Variants in UBE2E3 observed in about 807,000 individuals in gnomAD.
UBE2E3 encodes the protein ubiquitin conjugating enzyme E2 E3.
UBE2E3 carries 5 observed loss-of-function variants against 23.6 expected under a neutral mutation model. The observed-to-expected ratio is 0.21, with a 90% CI of 0.11 to 0.44. The LOEUF is 0.44. Among genes scored for constraint, UBE2E3 ranks in the 20% least tolerant of loss-of-function variants. The pLI is 0.99. For synonymous variants in UBE2E3, 78 were observed against 87.5 expected (o/e 0.89, Z 0.60); for missense variants, 81 against 249.8 (o/e 0.32, Z 4.55).
intron 3 of UBE2E3, among the ~76,000 whole-genome samples, chr2:180,987,893 A>G (rs1264168429): frequency 1.3e-5 from 2 of 151,928 alleles, no homozygotes; most frequent in East Asian, 1.9e-4. Context: ...GCTTCCCCCA[A>G]CCCCCAACCC....
intron 3 of UBE2E3, among the ~76,000 whole-genome samples, chr2:180,993,413 C>G (rs1339238247): frequency 6.6e-6 from 1 of 152,158 alleles, no homozygotes; most frequent in Non-Finnish European, 1.5e-5. Flanking sequence ...AGCAAATATA[C>G]TCTGTCATTC....
Position 180,980,869 on chromosome 2 carries a change from C to T in UBE2E3, c.-130C>T, listed in dbSNP as rs888589289. ...TCGGCTTCTTTTTTTCCCTCCCCCC[C>T]CTTCCCCCCCCCACAGCTGCCTCCA... On this transcript the variant is annotated 5_prime_UTR_variant, in exon 1 of 6. Transcript: ENST00000410062. This position sits in a 1 kb window ranked among gnomAD's most constrained non-coding sequence, Gnocchi z 5.5. 2.0e-5 allele frequency: 3 copies of T among 149,822 alleles called. No homozygotes were observed. The highest frequency in any genetic ancestry group is 6.6e-5 in the Admixed American group (1 of 15,048). The allele number at this position is 149,822 out of a possible 1,614,324, so 9.3% of individuals were successfully genotyped here.
intron 3 of UBE2E3, among the ~76,000 whole-genome samples, chr2:181,018,342 T>C (rs1247390775): frequency 6.7e-6 from 1 of 150,374 alleles, no homozygotes; most frequent in Non-Finnish European, 1.5e-5. Flanking sequence ...TTTACACATG[T>C]GTTTAATATT....
chr2:181,032,216 A>G (rs867300745), intron 3 of UBE2E3, among the ~76,000 whole-genome samples: 1 of 152,226 alleles, frequency 6.6e-6, no homozygotes, highest in African/African-American at 2.4e-5. Flanking sequence ...TGAAGGCTAA[A>G]GCGAACATCA....
At chr2:180,991,737 G>T (rs746907852) in intron 3 of UBE2E3, among the ~76,000 whole-genome samples, 4 of 152,094 alleles carry the variant, frequency 2.6e-5, no homozygotes, top group Non-Finnish European at 5.9e-5. Context: ...TGCTGCTGTG[G>T]CCCAGGGAAA....
chr2:181,036,210 G>A (rs916388511), intron 3 of UBE2E3, among the ~76,000 whole-genome samples: 3 of 152,138 alleles, frequency 2.0e-5, no homozygotes, highest in African/African-American at 7.2e-5. Context: ...TATTGGCATG[G>A]GTTGGGCATA....
At chr2:181,040,336 A>G (rs1049883051) in intron 3 of UBE2E3, among the ~76,000 whole-genome samples, 3 of 152,192 alleles carry the variant, frequency 2.0e-5, no homozygotes, top group East Asian at 1.9e-4. Context: ...TAGCCTTTTC[A>G]TAACAATAAA....
chr2:180,981,068 G>A (rs1462191824), intron 1 of UBE2E3, 95 bp downstream of exon 1: 1 of 146,534 alleles, frequency 6.8e-6, no homozygotes, highest in Non-Finnish European at 1.5e-5. Context: ...GTTCGCGCCG[G>A]GCGCCCGCGT....
At chr2:180,984,751 G>A (rs1193534089) in intron 3 of UBE2E3, among the ~76,000 whole-genome samples, 1 of 152,030 alleles carries the variant, frequency 6.6e-6, no homozygotes, top group Non-Finnish European at 1.5e-5. Flanking sequence ...GTGGAACTCA[G>A]GTAGATGAAT....
At chr2:181,058,383 A>G (rs1255830736) in intron 4 of UBE2E3, among the ~76,000 whole-genome samples, 1 of 151,724 alleles carries the variant, frequency 6.6e-6, no homozygotes, top group Admixed American at 6.6e-5. Flanking sequence ...AGTTCATTTG[A>G]AGTATGAATT....
At chr2:180,992,751 T>G (rs1270126620) in intron 3 of UBE2E3, among the ~76,000 whole-genome samples, 1 of 151,816 alleles carries the variant, frequency 6.6e-6, no homozygotes, top group Non-Finnish European at 1.5e-5. Context: ...AACCTCTGCC[T>G]CCCGGGTTCA....
At chr2:181,059,119 A>G (rs1435539276) in intron 4 of UBE2E3, among the ~76,000 whole-genome samples, 2 of 151,788 alleles carry the variant, frequency 1.3e-5, no homozygotes, top group Non-Finnish European at 1.5e-5. Flanking sequence ...ATTGCAATAT[A>G]TCATCTAATT....
chr2:180,983,023 AAAG>A (rs553147590), intron 2 of UBE2E3, among the ~76,000 whole-genome samples: 14 of 152,324 alleles, frequency 9.2e-5, no homozygotes, highest in Non-Finnish European at 1.9e-4. Context: ...ATGGAGAAAA[AAAG>A]ATTCTGTCAA....
chr2:181,034,821 T>C (rs560037891), intron 3 of UBE2E3, among the ~76,000 whole-genome samples: 6 of 152,188 alleles, frequency 3.9e-5, no homozygotes, highest in African/African-American at 1.4e-4. Context: ...TGAACAAATG[T>C]GGCTTTCAAC....
chr2:180,981,767 TGATA>T (rs1196554573), intron 1 of UBE2E3, among the ~76,000 whole-genome samples: 8 of 152,198 alleles, frequency 5.3e-5, no homozygotes, highest in Non-Finnish European at 1.2e-4. Flanking sequence ...AGTAGACAAT[TGATA>T]GATTGTCCAA....
At chr2:181,009,074 G>A (rs769729004) in intron 3 of UBE2E3, among the ~76,000 whole-genome samples, 13 of 151,968 alleles carry the variant, frequency 8.6e-5, no homozygotes, top group Non-Finnish European at 1.0e-4. Context: ...GTATAAAATC[G>A]TTAAAAGGTA....
intron 3 of UBE2E3, among the ~76,000 whole-genome samples, chr2:181,042,141 C>A (rs1686530410): frequency 6.6e-6 from 1 of 152,206 alleles, no homozygotes. Flanking sequence ...ATTGTCACAT[C>A]TCTTAAGTCT....
In UBE2E3 at chr2:180,987,429, C is replaced by T. The variant is rs1388198454; in HGVS notation, c.245+3336C>T. On this transcript the variant is annotated intron_variant, in intron 3 of 5. Transcript: ENST00000410062. ...TTCTAACTTAACCCCTAATTTCTTT[C>T]CATATAGGAAGAAGCACAAATATAC... 3.2e-6 allele frequency: 5 copies of T among 1,547,890 alleles called. No individual in the cohort carries two copies. The South Asian group carries it at 4.8e-5, about 15-fold the overall frequency.
chr2:180,986,395 T>G (rs2105567386), intron 3 of UBE2E3, among the ~76,000 whole-genome samples: 1 of 152,234 alleles, frequency 6.6e-6, no homozygotes. Flanking sequence ...AAGACCTAGT[T>G]TTTGTCCTTG....
Sources: allele counts gnomAD v4.1 joint callset (sites outside exome capture counted in the v4.1 genomes callset), GRCh38; gene constraint gnomAD v4.1.1; non-coding constraint Gnocchi (gnomAD v3.1); transcripts MANE v1.5; gene names NCBI Gene and HGNC (gene_info 2026-07-23, HGNC 2026-07-21).